ARL15: variants seen among roughly 807,000 people sequenced by gnomAD.
ARL15 encodes ARF like GTPase 15.
Under a neutral mutation model 25.2 loss-of-function variants are expected in ARL15, and 19 were observed. The observed-to-expected ratio is 0.75, with a 90% CI of 0.53 to 1.10. ARL15 has a LOEUF of 1.10. Ranked by LOEUF, ARL15 falls within the 50% of genes least tolerant of loss-of-function variation. The pLI is 0.00. For missense variants in ARL15, 220 were observed against 246.0 expected, an observed-to-expected ratio of 0.89 and a Z score of 0.71; for synonymous variants, 94 against 86.8, an observed-to-expected ratio of 1.08 and a Z score of -0.46.
chr5:54,177,028 G>C (rs277336), intron 1 of ARL15, among the ~76,000 whole-genome samples: 99,289 of 151,962 alleles, frequency 0.65, 32,845 homozygotes, highest in East Asian at 0.99. Flanking sequence ...GCAGCAAATA[G>C]AGAACAGAGC....
chr5:54,186,889 G>A (rs202086321), intron 1 of ARL15, among the ~76,000 whole-genome samples: 1 of 61,332 alleles, frequency 1.6e-5, no homozygotes, highest in Non-Finnish European at 3.4e-5. Context: ...TTTTTTTTTT[G>A]TCAAACAAAG....
intron 4 of ARL15, among the ~76,000 whole-genome samples, chr5:53,965,010 G>C (rs1414795982): frequency 6.6e-6 from 1 of 152,144 alleles, no homozygotes; most frequent in East Asian, 1.9e-4. Context: ...TTAGAGGCCT[G>C]CCAATTTGCA....
intron 1 of ARL15, among the ~76,000 whole-genome samples, chr5:54,203,950 G>T (rs960417239): frequency 2.6e-5 from 4 of 152,054 alleles, no homozygotes; most frequent in African/African-American, 9.7e-5. Flanking sequence ...GTCCCTGAGG[G>T]TTGTTTTTCT....
intron 3 of ARL15, among the ~76,000 whole-genome samples, chr5:54,150,298 TCA>T (rs1754030137): frequency 1.3e-5 from 2 of 152,178 alleles, no homozygotes; most frequent in Non-Finnish European, 2.9e-5. Context: ...AGACTTTGAT[TCA>T]GAAGGTAGTC....
At chr5:54,305,001 T>A (rs1005311539) in intron 1 of ARL15, among the ~76,000 whole-genome samples, 2 of 152,166 alleles carry the variant, frequency 1.3e-5, no homozygotes, top group African/African-American at 4.8e-5. Flanking sequence ...GGGTTTCTAT[T>A]GTTGGTTAGT....
At chr5:54,259,168 C>A (rs1189203130) in intron 1 of ARL15, among the ~76,000 whole-genome samples, 1 of 152,126 alleles carries the variant, frequency 6.6e-6, no homozygotes, top group Non-Finnish European at 1.5e-5. Context: ...AAGAACAGAA[C>A]AGCCTGGGGT....
chr5:54,245,449 C>G (rs1757063739), intron 1 of ARL15, among the ~76,000 whole-genome samples: 2 of 152,110 alleles, frequency 1.3e-5, no homozygotes, highest in African/African-American at 4.8e-5. Context: ...GATGTATTAA[C>G]AAAAGAACAA....
At chr5:54,252,795 G>A (rs180885718) in intron 1 of ARL15, among the ~76,000 whole-genome samples, 1 of 152,260 alleles carries the variant, frequency 6.6e-6, no homozygotes, top group East Asian at 1.9e-4. Flanking sequence ...CCCAATCTCG[G>A]CTCACTGCAA....
chr5:53,960,327 C>G (rs888867357), intron 4 of ARL15, among the ~76,000 whole-genome samples: 4 of 152,198 alleles, frequency 2.6e-5, no homozygotes, highest in African/African-American at 9.6e-5. Flanking sequence ...ATGAAATAAT[C>G]TATCCTTAAC....
At chr5:54,235,486 T>C (rs1298382615) in intron 1 of ARL15, among the ~76,000 whole-genome samples, 1 of 137,788 alleles carries the variant, frequency 7.3e-6, no homozygotes, top group South Asian at 2.4e-4. Flanking sequence ...GTTAATTCTA[T>C]AGTTAAACCT....
intron 2 of ARL15, among the ~76,000 whole-genome samples, chr5:54,158,076 A>G (rs1466799309): frequency 1.3e-5 from 2 of 152,076 alleles, no homozygotes; most frequent in African/African-American, 4.8e-5. Flanking sequence ...TTTTCCCTTT[A>G]CATCAGGTTG....
chr5:53,977,243 G>C (rs1170864567), intron 4 of ARL15, among the ~76,000 whole-genome samples: 1 of 151,618 alleles, frequency 6.6e-6, no homozygotes, highest in Non-Finnish European at 1.5e-5. Context: ...TGTAGTCCCA[G>C]CTACTCGGAG....
At chr5:54,244,367 C>T (rs576113735) in intron 1 of ARL15, among the ~76,000 whole-genome samples, 2 of 152,298 alleles carry the variant, frequency 1.3e-5, no homozygotes, top group South Asian at 4.1e-4. Context: ...AAACCACGCT[C>T]AACCTCAAAA....
intron 4 of ARL15, among the ~76,000 whole-genome samples, chr5:54,061,689 C>T (rs1441996338): frequency 6.6e-6 from 1 of 152,174 alleles, no homozygotes; most frequent in Non-Finnish European, 1.5e-5. Flanking sequence ...TGCCTGAATG[C>T]CCAGATAGAA....
intron 2 of ARL15, among the ~76,000 whole-genome samples, chr5:54,159,670 G>C (rs1310503477): frequency 6.6e-6 from 1 of 152,172 alleles, no homozygotes; most frequent in Non-Finnish European, 1.5e-5. Flanking sequence ...AAGTTACGCA[G>C]TCATTTTTTC....
At chr5:54,084,163 G>A (rs553651538) in intron 4 of ARL15, among the ~76,000 whole-genome samples, 119 of 152,290 alleles carry the variant, frequency 7.8e-4, no homozygotes, top group African/African-American at 2.8e-3. Context: ...GGCCGTTGGA[G>A]TGCTCTTGTA....
chr5:54,079,756 G>A (rs138445733), intron 4 of ARL15, among the ~76,000 whole-genome samples: 2,133 of 152,134 alleles, frequency 0.014, 34 homozygotes, highest in Non-Finnish European at 0.025. Flanking sequence ...AATCACCAGC[G>A]GTCAGGAGTT....
At chr5:54,302,002 A>G (rs1293873218) in intron 1 of ARL15, among the ~76,000 whole-genome samples, 1 of 152,250 alleles carries the variant, frequency 6.6e-6, no homozygotes, top group African/African-American at 2.4e-5. Flanking sequence ...GCCAAAGGGC[A>G]GAACACCTAC....
intron 4 of ARL15, among the ~76,000 whole-genome samples, chr5:54,016,091 T>C (rs1170485691): frequency 6.6e-6 from 1 of 152,170 alleles, no homozygotes; most frequent in Admixed American, 6.6e-5. Flanking sequence ...GTCTCATGTT[T>C]TGTGGAACTC....
Sources: gnomAD v4.1 joint callset for allele counts (sites outside exome capture counted in the v4.1 genomes callset) on GRCh38, gnomAD v4.1.1 for gene constraint, MANE v1.5 for transcripts, NCBI Gene and HGNC (gene_info 2026-07-23, HGNC 2026-07-21) for gene names.